Variants in AK6 observed in about 807,000 individuals in gnomAD.
AK6 encodes adenylate kinase isoenzyme 6.
In AK6, 24 loss-of-function variants were observed where a neutral mutation model predicts 23.7. The observed-to-expected ratio is 1.01, with a 90% CI of 0.73 to 1.43. AK6 has a LOEUF of 1.43. AK6 is among the 40% of genes most tolerant of loss of function. AK6 has a pLI of 0.00. For synonymous variants in AK6, 73 were observed against 69.8 expected (o/e 1.05, Z -0.23); for missense variants, 191 against 199.1 (o/e 0.96, Z 0.24).
chr5:69,364,142 A>C (rs1762320701), intron 2 of AK6, among the ~76,000 whole-genome samples: 1 of 152,040 alleles, frequency 6.6e-6, no homozygotes, highest in Non-Finnish European at 1.5e-5. Flanking sequence ...AGCAAATAAA[A>C]ATCTAGGTTT....
At chr5:69,361,827 A>C (rs1475124989) in intron 2 of AK6, among the ~76,000 whole-genome samples, 1 of 151,560 alleles carries the variant, frequency 6.6e-6, no homozygotes, top group Non-Finnish European at 1.5e-5. Context: ...GCTGGTCTTG[A>C]ACTCCTGACC....
At chr5:69,369,822 C>T (rs1407828398), upstream of AK6, 9 of 1,022,150 alleles carry the variant, frequency 8.8e-6, no homozygotes, top group African/African-American at 4.9e-5. Flanking sequence ...GAGGCCGTAC[C>T]TCCGAGAGGC....
At position 69,369,480 on chromosome 5, in the gene AK6, G is replaced by C. The variant is rs146960635; in HGVS notation, c.11C>G (p.Pro4Arg). Reference sequence around the variant, plus strand: ...GCCCTGACCGGTGAGCAGGATGTTCGGAAGCAACATGGTCCCCGCCGCGAC... The same window carrying C: ...GCCCTGACCGGTGAGCAGGATGTTCCGAAGCAACATGGTCCCCGCCGCGAC... Reference protein sequence around the residue: MLLPNILLTGTPGV... With the variant: MLLRNILLTGTPGV... The change falls in exon 1 of 5, where the codon CCG (proline) becomes CGG (arginine). Residue 4 changes from proline to arginine, a missense_variant. By Grantham distance (103) the Pro-to-Arg change is moderately radical. Coordinates refer to ENST00000380822, the MANE Select transcript of AK6 (RefSeq NM_016283.5). 28 of 1,611,236 alleles carry C rather than the reference G, an allele frequency of 1.7e-5. No individual in the cohort carries two copies. Among genetic ancestry groups the C allele is most frequent in the Non-Finnish European group, 2.3e-5 (27 of 1,179,308 alleles).
At chr5:69,356,186 C>T (rs1235835217) in intron 2 of AK6, among the ~76,000 whole-genome samples, 2 of 152,142 alleles carry the variant, frequency 1.3e-5, no homozygotes, top group African/African-American at 2.4e-5. Context: ...TCTGAAACTG[C>T]TTTAAATATC....
intron 2 of AK6, among the ~76,000 whole-genome samples, chr5:69,357,048 T>C (rs999587826): frequency 2.0e-5 from 3 of 152,182 alleles, no homozygotes; most frequent in African/African-American, 7.2e-5. Flanking sequence ...GAGCATGTTA[T>C]ATAGCAGTCT....
intron 4 of AK6, among the ~76,000 whole-genome samples, chr5:69,354,131 G>C (rs528057429): frequency 1.3e-5 from 2 of 151,998 alleles, no homozygotes; most frequent in East Asian, 3.9e-4. Context: ...CAACCTTTTC[G>C]ATAGTTAAAA....
chr5:69,355,760 C>A lies in AK6; in HGVS notation c.215G>T (p.Gly72Val), dbSNP rs367852813. 1 of 1,612,656 alleles carries A rather than the reference C, an allele frequency of 6.2e-7. No individual in the cohort carries two copies. Among genetic ancestry groups the A allele is most frequent in the South Asian group, 1.1e-5 (1 of 90,346 alleles). The change falls in exon 4 of 5, where the codon GGT (glycine) becomes GTT (valine). Residue 72 changes from glycine to valine, a missense_variant. Coordinates refer to ENST00000380822, the MANE Select transcript of AK6 (RefSeq NM_016283.5). ...ACCATGGTAATCAACAATAACTCCA[C>A]CTTCTCTCATTTGGTTATCTAACTC... ...VDELDNQMRE[G>V]GVIVDYHGCD...
chr5:69,356,465 T>C, intron 2 of AK6, among the ~76,000 whole-genome samples: 1 of 151,078 alleles, frequency 6.6e-6, no homozygotes, highest in Non-Finnish European at 1.5e-5. Context: ...CTGGGCAATA[T>C]GTTGAGAACC....
At chr5:69,356,774 C>A (rs984121097) in intron 2 of AK6, among the ~76,000 whole-genome samples, 1 of 152,186 alleles carries the variant, frequency 6.6e-6, no homozygotes, top group African/African-American at 2.4e-5. Context: ...TGAACAGTAT[C>A]TTTACTTCTA....
intron 4 of AK6, 72 bp downstream of exon 4, chr5:69,355,577 C>A: frequency 7.0e-7 from 1 of 1,437,586 alleles, no homozygotes; most frequent in Non-Finnish European, 9.4e-7. Context: ...AATCTTTTAT[C>A]ATGGCCAATT....
intron 2 of AK6, among the ~76,000 whole-genome samples, chr5:69,360,054 G>A (rs1259344728): frequency 6.6e-6 from 1 of 152,220 alleles, no homozygotes; most frequent in Non-Finnish European, 1.5e-5. Context: ...CTGCACTGAA[G>A]GGGACATAGG....
intron 3 of AK6, 48 bp downstream of exon 3, chr5:69,355,847 T>C: frequency 6.3e-7 from 1 of 1,596,844 alleles, no homozygotes; most frequent in Non-Finnish European, 8.5e-7. Flanking sequence ...AAGTCAACTT[T>C]CCTATGAAAT....
chr5:69,362,109 C>T (rs77353127), intron 2 of AK6, among the ~76,000 whole-genome samples: 2 of 68,026 alleles, frequency 2.9e-5, no homozygotes, highest in African/African-American at 3.2e-5. Flanking sequence ...TAAAAGCTTT[C>T]TTTTTTTCCG....
rs191879605 is a variant in AK6, at chr5:69,356,503, T to C, written c.122-550A>G. Among the ~76,000 whole-genome samples the C allele has an allele frequency of 3.3e-3, 498 of 149,392 alleles. 1 individual carries two copies. Among genetic ancestry groups the C allele is most frequent in the Middle Eastern group, 0.01 (3 of 292 alleles). On this transcript the variant is annotated intron_variant, in intron 2 of 4. Coordinates refer to ENST00000380822, the MANE Select transcript of AK6 (RefSeq NM_016283.5). ...TTTCTACAGAAAAAAAAAAAAAAATTAGGCAGGCATGGTGGTGCACACCTG... is the reference window on the plus strand; with the variant it reads ...TTTCTACAGAAAAAAAAAAAAAAATCAGGCAGGCATGGTGGTGCACACCTG...
At chr5:69,365,042 TGAC>T in intron 2 of AK6, 1 of 1,614,168 alleles carries the variant, frequency 6.2e-7, no homozygotes, top group Non-Finnish European at 8.5e-7. Context: ...TATTTTGTGA[TGAC>T]ATCATATTAG....
chr5:69,369,520 C>T lies in AK6; in HGVS notation c.-30G>A, dbSNP rs200902755. 30 of 1,611,138 alleles carry T rather than the reference C, an allele frequency of 1.9e-5. No homozygotes were observed. In the African/African-American group the frequency reaches 2.7e-4, roughly 14 times the overall value. Reference sequence around the variant, plus strand: ...CCCGCCGCGACGGCTTCGGGCGCCTCGCTCACGTGCCCTTTGCTCTACAGG... The same window carrying T: ...CCCGCCGCGACGGCTTCGGGCGCCTTGCTCACGTGCCCTTTGCTCTACAGG... On this transcript the variant is annotated 5_prime_UTR_variant, in exon 1 of 5. Transcript: ENST00000380822.
At chr5:69,354,254 A>C (rs974777895) in intron 4 of AK6, among the ~76,000 whole-genome samples, 1 of 152,212 alleles carries the variant, frequency 6.6e-6, no homozygotes, top group Non-Finnish European at 1.5e-5. Context: ...GAAAAAAAGC[A>C]TATGTACCAT....
At position 69,358,472 on chromosome 5, in the gene AK6, C is replaced by T. The variant is rs189482537; in HGVS notation, c.122-2519G>A. Among the ~76,000 whole-genome samples the T allele has an allele frequency of 6.3e-4, 87 of 138,508 alleles. No individual in the cohort carries two copies. In the East Asian group the frequency reaches 0.017, roughly 27 times the overall value. 90.9% of individuals were successfully genotyped at this position (138,508 alleles called of 152,430 possible). ...GGAGGAGGCTGCAGTGAGCTGAGAT[C>T]GCGCCACTGCACTCCAGCCTGGGTG... is the stretch of plus-strand genomic sequence containing the variant. On this transcript the variant is annotated intron_variant, in intron 2 of 4. Coordinates refer to ENST00000380822, the MANE Select transcript of AK6 (RefSeq NM_016283.5).
intron 1 of AK6, 164 bp from the exon 2 acceptor site, chr5:69,366,759 T>C (rs557760380): frequency 6.6e-6 from 4 of 605,434 alleles, no homozygotes; most frequent in East Asian, 2.7e-5. Context: ...AGCAATCATA[T>C]GTAAAATTTT....
Sources: gnomAD v4.1 joint callset for allele counts (sites outside exome capture counted in the v4.1 genomes callset) on GRCh38, gnomAD v4.1.1 for gene constraint, MANE v1.5 for transcripts, NCBI Gene and HGNC (gene_info 2026-07-23, HGNC 2026-07-21) for gene names.